The following DIP2C variants were observed in gnomAD, a reference collection of about 807,000 sequenced individuals.
The protein encoded by DIP2C is disco-interacting protein 2 homolog C.
A neutral mutation model predicts 192.4 loss-of-function variants in DIP2C; 33 were observed. The ratio of observed to expected loss-of-function variants is 0.17; its 90% CI spans 0.13 to 0.23. The LOEUF is 0.23. DIP2C is among the 10% of genes least tolerant of loss of function. The pLI is 1.00. For missense variants in DIP2C, 1,537 were observed against 2,110.1 expected (o/e 0.73, Z 5.32); for synonymous variants, 979 against 864.1 (o/e 1.13, Z -2.33).
intron 24 of DIP2C, 64 bp from the exon 25 acceptor site, chr10:349,518 C>G: frequency 6.4e-7 from 1 of 1,561,592 alleles, no homozygotes; most frequent in African/African-American, 1.3e-5. Flanking sequence ...GCAGAGAGCG[C>G]GCACGCGTCA....
chr10:369,971 T>C lies in DIP2C; in HGVS notation c.1992-338A>G, dbSNP rs992514501. The stretch of plus-strand genomic sequence containing the variant: ...AGGCCCTGCACAGACCAGCTCTCTC[T>C]TTCCTCCCGGCTCCTGCTCACTCCA... On this transcript the variant is annotated intron_variant, in intron 17 of 36. Coordinates refer to ENST00000280886, the MANE Select transcript of DIP2C (RefSeq NM_014974.3). 47 of 985,288 alleles carry C rather than the reference T, an allele frequency of 4.8e-5. No individual in the cohort carries two copies. In the African/African-American group the frequency reaches 6.3e-4, roughly 13 times the overall value. The allele number at this position is 985,288 out of a possible 1,614,324, so 61.0% of individuals were successfully genotyped here.
rs375964442 is a variant in DIP2C, at chr10:598,196, G to A, written c.85+91298C>T. The stretch of plus-strand genomic sequence containing the variant: ...GCACTCACTGGGGGAGGCCAAGGCC[G>A]GCACCGGCCACCACCAAGGGCCACG... On this transcript the variant is annotated intron_variant, in intron 1 of 36. Coordinates refer to ENST00000280886, the MANE Select transcript of DIP2C (RefSeq NM_014974.3). 7.4e-4 allele frequency among the ~76,000 whole-genome samples: 112 copies of A among 152,248 alleles called. 1 individual carries two copies. Among genetic ancestry groups the A allele is most frequent in the African/African-American group, 2.6e-3 (108 of 41,524 alleles).
chr10:582,695 G>A (rs879227407), intron 1 of DIP2C, among the ~76,000 whole-genome samples: 6 of 152,240 alleles, frequency 3.9e-5, no homozygotes, highest in Admixed American at 3.3e-4. Flanking sequence ...AGAAAAGCGT[G>A]TCTCCAAACC....
At chr10:552,118 T>A (rs568492507) in intron 1 of DIP2C, among the ~76,000 whole-genome samples, 42 of 152,320 alleles carry the variant, frequency 2.8e-4, no homozygotes, top group Non-Finnish European at 3.8e-4. Flanking sequence ...AGAGACACAC[T>A]CTGTTGTAAC....
intron 1 of DIP2C, among the ~76,000 whole-genome samples, chr10:578,631 A>C (rs967290391): frequency 6.6e-6 from 1 of 152,198 alleles, no homozygotes; most frequent in Non-Finnish European, 1.5e-5. Flanking sequence ...CTCCGGTGCT[A>C]ACGAGATGGT....
intron 1 of DIP2C, among the ~76,000 whole-genome samples, chr10:493,315 C>T (rs767988927): frequency 6.6e-6 from 1 of 152,242 alleles, no homozygotes; most frequent in Non-Finnish European, 1.5e-5. Flanking sequence ...TGTAGAAAGA[C>T]AGCTCTGAGA....
intron 1 of DIP2C, among the ~76,000 whole-genome samples, chr10:683,430 C>T (rs1831200840): frequency 1.3e-5 from 2 of 152,202 alleles, no homozygotes; most frequent in Non-Finnish European, 2.9e-5. Context: ...TAGTCATAAA[C>T]CCTGCATGGC....
rs751923146 is a variant in DIP2C at position 310,118 on chromosome 10, C to T, written c.3925-26G>A. The T allele has an allele frequency of 3.1e-6, 5 of 1,610,122 alleles. No individual in the cohort carries two copies. In the Admixed American group the frequency reaches 6.7e-5, roughly 21 times the overall value. ...CTGCAAGCAACAACAGAGTGGTTAA[C>T]TCAAGTTTACATGGAGGGAGATTGG... On this transcript the variant is annotated intron_variant, in intron 31 of 36. Coordinates refer to ENST00000280886, the MANE Select transcript of DIP2C (RefSeq NM_014974.3).
At chr10:494,725 A>G (rs12573383) in intron 1 of DIP2C, among the ~76,000 whole-genome samples, 6,012 of 152,304 alleles carry the variant, frequency 0.039, 222 homozygotes, top group African/African-American at 0.1. Context: ...AGGGGATCAG[A>G]AACGTAAATT....
At chr10:376,198 C>T (rs1157830187) in intron 17 of DIP2C, among the ~76,000 whole-genome samples, 1 of 152,260 alleles carries the variant, frequency 6.6e-6, no homozygotes, top group African/African-American at 2.4e-5. Flanking sequence ...GCCCTGCCCA[C>T]ATGACAAAGC....
chr10:404,938 A>C (rs368925098), intron 9 of DIP2C, among the ~76,000 whole-genome samples: 2 of 152,248 alleles, frequency 1.3e-5, no homozygotes, highest in East Asian at 1.9e-4. Context: ...TATGGTGAAC[A>C]AACAGTATTC....
intron 17 of DIP2C, among the ~76,000 whole-genome samples, chr10:377,615 G>A (rs12245012): frequency 0.13 from 20,390 of 152,082 alleles, 1,458 homozygotes; most frequent in East Asian, 0.2. Flanking sequence ...TGACTTTTCC[G>A]AGCAGTGGGA....
chr10:446,077 G>C (rs1435361471), intron 3 of DIP2C, among the ~76,000 whole-genome samples: 6 of 150,488 alleles, frequency 4.0e-5, no homozygotes, highest in African/African-American at 1.5e-4. Context: ...CTGGGCATCT[G>C]TATACGTCTG....
At chr10:510,085 G>C (rs1419889451) in intron 1 of DIP2C, among the ~76,000 whole-genome samples, 1 of 152,226 alleles carries the variant, frequency 6.6e-6, no homozygotes, top group Non-Finnish European at 1.5e-5. Flanking sequence ...ATCGAACGGA[G>C]GGAGTTATCT....
chr10:384,486 C>G, intron 15 of DIP2C, 60 bp downstream of exon 15: 1 of 1,551,068 alleles, frequency 6.4e-7, no homozygotes, highest in Non-Finnish European at 8.9e-7. Flanking sequence ...GATCCACCTG[C>G]TTTGGCCTCC....
intron 4 of DIP2C, among the ~76,000 whole-genome samples, chr10:429,869 CG>C (rs1214161567): frequency 2.0e-5 from 3 of 152,030 alleles, no homozygotes; most frequent in Admixed American, 6.5e-5. Context: ...TGTATGTAGA[CG>C]TAAGTTTTCA....
intron 1 of DIP2C, among the ~76,000 whole-genome samples, chr10:609,983 T>C (rs904871375): frequency 2.6e-5 from 4 of 151,478 alleles, no homozygotes; most frequent in African/African-American, 9.7e-5. Flanking sequence ...CTTGAGAACA[T>C]CAAAGTGGCT....
At chr10:371,799 TG>T (rs1433407189) in intron 17 of DIP2C, among the ~76,000 whole-genome samples, 1 of 152,214 alleles carries the variant, frequency 6.6e-6, no homozygotes, top group African/African-American at 2.4e-5. Context: ...TGTGACACCT[TG>T]GGGTCTCCAA....
intron 1 of DIP2C, among the ~76,000 whole-genome samples, chr10:578,163 A>G (rs1200967241): frequency 6.6e-6 from 1 of 152,168 alleles, no homozygotes; most frequent in Non-Finnish European, 1.5e-5. Flanking sequence ...CTTCTTTCTC[A>G]TCCTTCCAAA....
Sources: gnomAD v4.1 joint callset for allele counts (sites outside exome capture counted in the v4.1 genomes callset) on GRCh38, gnomAD v4.1.1 for gene constraint, MANE v1.5 for transcripts, NCBI Gene and HGNC (gene_info 2026-07-23, HGNC 2026-07-21) for gene names.